CWC27: variants seen among roughly 807,000 people sequenced by gnomAD.
CWC27 encodes the protein CWC27 spliceosome associated cyclophilin.
CWC27 carries 47 observed loss-of-function variants against 63.6 expected under a neutral mutation model. That is an observed-to-expected ratio of 0.74 (90% CI 0.58 to 0.94). The LOEUF is 0.94. CWC27 is among the 40% of genes least tolerant of loss of function. The pLI is 0.00. For missense variants in CWC27, 495 were observed against 554.3 expected, an observed-to-expected ratio of 0.89 and a Z score of 1.07; for synonymous variants, 175 against 179.8, an observed-to-expected ratio of 0.97 and a Z score of 0.22.
chr5:64,970,957 G>A (rs938458267), intron 11 of CWC27, among the ~76,000 whole-genome samples: 9 of 106,174 alleles, frequency 8.5e-5, no homozygotes, highest in African/African-American at 3.9e-4. Flanking sequence ...GAGAGAGAGG[G>A]AGTGTGTGTG....
intron 13 of CWC27, among the ~76,000 whole-genome samples, chr5:64,998,478 C>T (rs2112463958): frequency 6.6e-6 from 1 of 152,194 alleles, no homozygotes; most frequent in East Asian, 1.9e-4. Context: ...CTGTGCATTC[C>T]CCTGTTGCTA....
At chr5:64,973,442 C>T (rs1206091094) in intron 12 of CWC27, among the ~76,000 whole-genome samples, 1 of 152,194 alleles carries the variant, frequency 6.6e-6, no homozygotes, top group Non-Finnish European at 1.5e-5. Context: ...TTCAGCATAG[C>T]TTCTACATTC....
At chr5:64,910,108 T>A (rs1366682404) in intron 11 of CWC27, among the ~76,000 whole-genome samples, 1 of 152,170 alleles carries the variant, frequency 6.6e-6, no homozygotes, top group African/African-American at 2.4e-5. Context: ...ACAGATGGGA[T>A]TTTGGTGTGG....
Position 65,018,306 on chromosome 5 carries a change from AAAAG to A in CWC27, c.1411_1414del (p.Arg471AspfsTer30). 1 of 1,592,748 alleles carries A rather than the reference AAAAG, an allele frequency of 6.3e-7. No homozygotes were observed. Among genetic ancestry groups the A allele is most frequent in the African/African-American group, 1.4e-5 (1 of 73,246 alleles). ...AAAGCAAAAAGCTGATGAGAGAGAA[AAAAG>A]AAAGAAGATAAAATGAGAATAATGA... On this transcript the variant is annotated frameshift_variant, in exon 14 of 14. Coordinates refer to ENST00000381070, the MANE Select transcript of CWC27 (RefSeq NM_005869.4). LOFTEE classifies it high-confidence loss of function.
chr5:64,885,594 T>G (rs1419198382), intron 11 of CWC27, 48 bp downstream of exon 11: 14 of 1,383,780 alleles, frequency 1.0e-5, no homozygotes, highest in Non-Finnish European at 1.4e-5. Context: ...CTCCTCCTTC[T>G]CTGTTTTCTT....
At chr5:64,864,848 A>T (rs912470525) in intron 10 of CWC27, among the ~76,000 whole-genome samples, 4 of 152,094 alleles carry the variant, frequency 2.6e-5, no homozygotes, top group African/African-American at 9.7e-5. Flanking sequence ...TGATTAAATC[A>T]AGCTAATTAA....
chr5:64,789,735 T>A (rs1744009944), intron 7 of CWC27, among the ~76,000 whole-genome samples: 1 of 152,294 alleles, frequency 6.6e-6, no homozygotes, highest in Middle Eastern at 3.4e-3. Context: ...GTGTGTATAC[T>A]ACAAGAAAAC....
chr5:64,814,488 A>G (rs548370600), intron 10 of CWC27, among the ~76,000 whole-genome samples: 6 of 152,294 alleles, frequency 3.9e-5, no homozygotes, highest in Non-Finnish European at 7.4e-5. Flanking sequence ...TGCTAAATCA[A>G]CTTATTTCCC....
chr5:64,957,420 A>G (rs904654089), intron 11 of CWC27, among the ~76,000 whole-genome samples: 1 of 152,180 alleles, frequency 6.6e-6, no homozygotes, highest in Non-Finnish European at 1.5e-5. Context: ...GCAGAAGCAC[A>G]AAGTGTGCTC....
At chr5:64,922,438 G>C (rs189776973) in intron 11 of CWC27, among the ~76,000 whole-genome samples, 5 of 152,180 alleles carry the variant, frequency 3.3e-5, no homozygotes, top group Admixed American at 2.0e-4. Flanking sequence ...TGCTTCTGTT[G>C]TATTTTGAAA....
intron 10 of CWC27, among the ~76,000 whole-genome samples, chr5:64,817,016 A>G (rs1036700327): frequency 2.6e-5 from 4 of 151,860 alleles, no homozygotes; most frequent in Admixed American, 2.6e-4. Context: ...ATCTGAATCT[A>G]TTTTCTTCTG....
chr5:64,773,132 C>CA (rs1225921837), intron 1 of CWC27, among the ~76,000 whole-genome samples: 1 of 151,808 alleles, frequency 6.6e-6, no homozygotes, highest in Non-Finnish European at 1.5e-5. Flanking sequence ...GGAAGTCTGT[C>CA]AAAAAAATCA....
At chr5:64,930,806 C>T (rs894480562) in intron 11 of CWC27, among the ~76,000 whole-genome samples, 3 of 152,114 alleles carry the variant, frequency 2.0e-5, no homozygotes, top group African/African-American at 7.2e-5. Flanking sequence ...CACCATATGT[C>T]TCTTAACAGT....
chr5:64,859,923 A>G (rs1746357330), intron 10 of CWC27, among the ~76,000 whole-genome samples: 1 of 152,196 alleles, frequency 6.6e-6, no homozygotes, highest in Admixed American at 6.5e-5. Flanking sequence ...TCAACATTTT[A>G]TTGTTGACAA....
chr5:64,982,075 G>A (rs1380351317), intron 13 of CWC27, among the ~76,000 whole-genome samples: 6 of 152,158 alleles, frequency 3.9e-5, no homozygotes, highest in African/African-American at 1.4e-4. Flanking sequence ...TTTGGAGTTA[G>A]CATAGTGCAG....
At chr5:64,903,081 T>A (rs931632625) in intron 11 of CWC27, among the ~76,000 whole-genome samples, 2 of 152,090 alleles carry the variant, frequency 1.3e-5, no homozygotes, top group Non-Finnish European at 2.9e-5. Context: ...TTGGTGGGAG[T>A]GTAAATTAGT....
intron 10 of CWC27, among the ~76,000 whole-genome samples, chr5:64,863,154 C>G (rs938045432): frequency 6.6e-6 from 1 of 152,094 alleles, no homozygotes; most frequent in Non-Finnish European, 1.5e-5. Context: ...GAATGACTCA[C>G]GTTCTGGACT....
chr5:64,776,959 G>C (rs941709844), intron 2 of CWC27, among the ~76,000 whole-genome samples: 2 of 152,038 alleles, frequency 1.3e-5, no homozygotes, highest in Non-Finnish European at 2.9e-5. Context: ...TTGCAGCATA[G>C]TTAGGTGGAC....
intron 10 of CWC27, among the ~76,000 whole-genome samples, chr5:64,825,190 A>G (rs1331456256): frequency 6.6e-6 from 1 of 152,228 alleles, no homozygotes; most frequent in Non-Finnish European, 1.5e-5. Flanking sequence ...GTAACATATA[A>G]GGCAACTTGG....
Sources: allele counts gnomAD v4.1 joint callset (sites outside exome capture counted in the v4.1 genomes callset), GRCh38; gene constraint gnomAD v4.1.1; transcripts MANE v1.5; gene names NCBI Gene and HGNC (gene_info 2026-07-23, HGNC 2026-07-21).